The following CCDC150 variants were observed in gnomAD, a reference collection of about 807,000 sequenced individuals.
CCDC150 encodes coiled-coil domain containing 150.
Under a neutral mutation model 156.5 loss-of-function variants are expected in CCDC150, and 151 were observed. That is an observed-to-expected ratio of 0.97 (90% CI 0.85 to 1.10). CCDC150 has a LOEUF of 1.10. Among genes scored for constraint, CCDC150 ranks in the 50% least tolerant of loss-of-function variants. The pLI is 0.00. For missense variants in CCDC150, 1,312 were observed against 1,268.1 expected, an observed-to-expected ratio of 1.03 and a Z score of -0.53; for synonymous variants, 452 against 429.4, an observed-to-expected ratio of 1.05 and a Z score of -0.65.
intron 13 of CCDC150, 59 bp downstream of exon 13, chr2:196,677,420 C>A: frequency 1.8e-6 from 2 of 1,089,364 alleles, no homozygotes; most frequent in Non-Finnish European, 2.7e-6. Flanking sequence ...TGCTGACTAC[C>A]GTATCAGCTT....
chr2:196,723,474 C>G (rs995704294), intron 21 of CCDC150, among the ~76,000 whole-genome samples: 3 of 152,120 alleles, frequency 2.0e-5, no homozygotes. Context: ...TGCACTCCAG[C>G]CTGGGTGACA....
chr2:196,643,359 C>T (rs1692349069), intron 1 of CCDC150, among the ~76,000 whole-genome samples: 1 of 150,652 alleles, frequency 6.6e-6, no homozygotes, highest in African/African-American at 2.4e-5. Flanking sequence ...AGAGCAGGGT[C>T]GGGTGGCACT....
intron 2 of CCDC150, among the ~76,000 whole-genome samples, chr2:196,647,381 G>A (rs556469029): frequency 6.6e-6 from 1 of 151,914 alleles, no homozygotes; most frequent in African/African-American, 2.4e-5. Context: ...TTATATGCAT[G>A]TATATATTAT....
At position 196,732,519 on chromosome 2, in the gene CCDC150, G is replaced by A; in HGVS notation, c.3263G>A (p.Arg1088Lys). The change falls in exon 28 of 28, where the codon AGG becomes AAG. Residue 1088 changes from arginine (R) to lysine (K), a missense_variant. Arg to Lys is a conservative substitution (Grantham distance 26). Transcript: ENST00000389175. ...CGATGGGAGAGAAAACAGAATCTTA[G>A]GCCCATGCCCAAGAAGTATCATTCT... ...LHRWERKQNL[R>K]PMPKKYHSEV... The A allele has an allele frequency of 1.2e-5, 20 of 1,613,706 alleles. No individual in the cohort carries two copies. The highest frequency in any genetic ancestry group is 1.5e-5 in the Non-Finnish European group (18 of 1,179,716).
At chr2:196,667,028 T>G in intron 7 of CCDC150, 180 bp downstream of exon 7, 1 of 631,702 alleles carries the variant, frequency 1.6e-6, no homozygotes, top group Non-Finnish European at 2.8e-6. Context: ...GGATTGTTGT[T>G]AATAATATAT....
rs2125597782 is a variant in CCDC150 at position 196,666,646 on chromosome 2, A to G, written c.763-73A>G. On this transcript the variant is annotated intron_variant, in intron 6 of 27. Transcript: ENST00000389175. Reference sequence around the variant, plus strand: ...GACATTAAGGTTGGAATGTTGCCTTATACATGTGCTATAAGGCAGCTTATT... The same window carrying G: ...GACATTAAGGTTGGAATGTTGCCTTGTACATGTGCTATAAGGCAGCTTATT... 14 of 1,284,314 alleles carry G rather than the reference A, an allele frequency of 1.1e-5. No individual in the cohort carries two copies. In the Middle Eastern group the frequency reaches 8.1e-4, roughly 74 times the overall value. The allele number at this position is 1,284,314 out of a possible 1,614,324, so 79.6% of individuals were successfully genotyped here.
intron 5 of CCDC150, among the ~76,000 whole-genome samples, chr2:196,660,866 G>A (rs181815382): frequency 6.6e-6 from 1 of 151,942 alleles, no homozygotes; most frequent in Non-Finnish European, 1.5e-5. Context: ...CTAAAAAGTC[G>A]ACAAACCCAA....
At chr2:196,689,209 G>A (rs1695292353) in intron 13 of CCDC150, among the ~76,000 whole-genome samples, 1 of 152,068 alleles carries the variant, frequency 6.6e-6, no homozygotes, top group South Asian at 2.1e-4. Context: ...TTTGGCTTAG[G>A]ATTGACTTGG....
intron 2 of CCDC150, among the ~76,000 whole-genome samples, chr2:196,650,961 T>C (rs1486818891): frequency 6.6e-6 from 1 of 152,242 alleles, no homozygotes; most frequent in African/African-American, 2.4e-5. Context: ...TGATTCAATC[T>C]TCTTACTCTT....
intron 13 of CCDC150, chr2:196,686,249 A>G (rs1695119828): frequency 7.5e-6 from 2 of 265,328 alleles, no homozygotes; most frequent in Non-Finnish European, 1.5e-5. Flanking sequence ...AATTTACTTT[A>G]TGTCAGGCTT....
intron 7 of CCDC150, among the ~76,000 whole-genome samples, chr2:196,669,255 A>G (rs568985003): frequency 1.1e-3 from 165 of 152,276 alleles, no homozygotes; most frequent in African/African-American, 3.7e-3. Context: ...TGTTTCACTC[A>G]TTCTATCCCC....
intron 2 of CCDC150, among the ~76,000 whole-genome samples, chr2:196,647,610 T>C (rs561069788): frequency 6.6e-6 from 1 of 152,120 alleles, no homozygotes; most frequent in Admixed American, 6.5e-5. Flanking sequence ...TTCTTTTTCC[T>C]TTTTTTATAT....
intron 1 of CCDC150, among the ~76,000 whole-genome samples, chr2:196,642,873 A>G (rs1692319582): frequency 6.6e-6 from 1 of 151,934 alleles, no homozygotes; most frequent in Non-Finnish European, 1.5e-5. Context: ...CCAAGTAGCT[A>G]GGGCTACAGG....
intron 13 of CCDC150, among the ~76,000 whole-genome samples, chr2:196,684,166 A>G (rs1034586632): frequency 2.0e-5 from 3 of 152,064 alleles, no homozygotes; most frequent in African/African-American, 7.2e-5. Flanking sequence ...TGCCCATAAA[A>G]AAATAAAAAA....
intron 4 of CCDC150, among the ~76,000 whole-genome samples, chr2:196,658,119 T>A (rs1693332431): frequency 6.6e-6 from 1 of 152,068 alleles, no homozygotes; most frequent in African/African-American, 2.4e-5. Context: ...TTTAGCAGTA[T>A]TATAGGGTAT....
At chr2:196,710,354 A>T (rs1697018244) in intron 15 of CCDC150, among the ~76,000 whole-genome samples, 1 of 152,074 alleles carries the variant, frequency 6.6e-6, no homozygotes, top group Non-Finnish European at 1.5e-5. Context: ...AGACTGTTGG[A>T]AAAGCACAGT....
chr2:196,719,818 A>T, intron 19 of CCDC150, 152 bp downstream of exon 19: 1 of 514,006 alleles, frequency 1.9e-6, no homozygotes, highest in Non-Finnish European at 3.3e-6. Flanking sequence ...GTTAGAGAAA[A>T]TTTAGAATTA....
intron 21 of CCDC150, among the ~76,000 whole-genome samples, chr2:196,725,231 T>A (rs544774811): frequency 2.6e-5 from 4 of 152,252 alleles, no homozygotes; most frequent in African/African-American, 9.6e-5. Flanking sequence ...TCAAGAGTAA[T>A]CATACAGTAA....
chr2:196,700,883 C>G (rs1368713766), intron 14 of CCDC150, among the ~76,000 whole-genome samples: 2 of 152,180 alleles, frequency 1.3e-5, no homozygotes, highest in Admixed American at 6.5e-5. Flanking sequence ...CCAACAAACT[C>G]TGGTACTCTT....
Sources: gnomAD v4.1 joint callset for allele counts (sites outside exome capture counted in the v4.1 genomes callset) on GRCh38, gnomAD v4.1.1 for gene constraint, MANE v1.5 for transcripts, NCBI Gene and HGNC (gene_info 2026-07-23, HGNC 2026-07-21) for gene names.